The following HTRA3 variants were observed in gnomAD, a reference collection of about 807,000 sequenced individuals.
The protein encoded by HTRA3 is HtrA serine peptidase 3, also known as serine protease HTRA3.
In HTRA3, 41 loss-of-function variants were observed where a neutral mutation model predicts 43.2. That is an observed-to-expected ratio of 0.95 (90% CI 0.74 to 1.23). The LOEUF is 1.23. Ranked by LOEUF, HTRA3 falls within the 50% of genes most tolerant of loss-of-function variation. The pLI is 0.00. For missense variants in HTRA3, 628 were observed against 647.1 expected (o/e 0.97, Z 0.32); for synonymous variants, 295 against 287.9 (o/e 1.02, Z -0.25).
At chr4:8,299,888 G>A (rs1713579040) in intron 6 of HTRA3, among the ~76,000 whole-genome samples, 1 of 147,038 alleles carries the variant, frequency 6.8e-6, no homozygotes, top group Non-Finnish European at 1.5e-5. Flanking sequence ...CGCCCAGGCT[G>A]GAGTACGGTG....
chr4:8,272,575 G>C (rs893120126), intron 1 of HTRA3, among the ~76,000 whole-genome samples: 1 of 152,242 alleles, frequency 6.6e-6, no homozygotes, highest in African/African-American at 2.4e-5. Flanking sequence ...TGCCTGATGG[G>C]CAACCCCCAG....
chr4:8,277,083 C>T (rs1331072534), intron 1 of HTRA3, among the ~76,000 whole-genome samples: 2 of 152,218 alleles, frequency 1.3e-5, no homozygotes, highest in Non-Finnish European at 2.9e-5. Flanking sequence ...ATCCCGCCTG[C>T]GTTCCACATG....
chr4:8,292,443 A>C (rs73083639), intron 5 of HTRA3, 90 bp downstream of exon 5: 4 of 1,074,236 alleles, frequency 3.7e-6, no homozygotes, highest in African/African-American at 3.1e-5. Flanking sequence ...AGGGCCCACA[A>C]TATGGTCCTA....
Position 8,270,039 on chromosome 4 carries a change from C to A in HTRA3, c.71C>A (p.Pro24Gln). 1 of 1,411,674 alleles carries A rather than the reference C, an allele frequency of 7.1e-7. No individual in the cohort carries two copies. The highest frequency in any genetic ancestry group is 9.2e-7 in the Non-Finnish European group (1 of 1,088,076). The allele number at this position is 1,411,674 out of a possible 1,614,324, so 87.4% of individuals were successfully genotyped here. A position where few individuals can be genotyped will look rare whatever the true frequency, so the allele number is the denominator to read the frequency against. Reference protein sequence around the residue: ...LALAREPPAAPCPARCDVSRC... With the variant: ...LALAREPPAAQCPARCDVSRC... ...CTGGCCCGGGAGCCCCCTGCGGCGC[C>A]GTGTCCCGCGCGCTGCGACGTGTCG... Residue 24 changes from proline to glutamine, a missense_variant, in exon 1 of 9, where the codon CCG becomes CAG. Coordinates refer to ENST00000307358, the MANE Select transcript of HTRA3 (RefSeq NM_053044.5).
In HTRA3 at chr4:8,295,798, G is replaced by T; in HGVS notation, c.1051+1597G>T. 4 of 1,262,286 alleles carry T rather than the reference G, an allele frequency of 3.2e-6. No homozygotes were observed. The highest frequency in any genetic ancestry group is 4.0e-6 in the Non-Finnish European group (4 of 1,001,608). The allele number at this position is 1,262,286 out of a possible 1,614,324, so 78.2% of individuals were successfully genotyped here. ...ATGGACCCCAGTGCAGCCAAGGCTG[G>T]TGCCATGAGGGCTGGTCACATGAAG... On this transcript the variant is annotated intron_variant, in intron 6 of 8. Transcript: ENST00000307358. This position sits in a 1 kb window ranked among gnomAD's most constrained non-coding sequence, Gnocchi z 6.9.
intron 1 of HTRA3, among the ~76,000 whole-genome samples, chr4:8,274,199 C>G (rs536152081): frequency 2.6e-5 from 4 of 152,256 alleles, no homozygotes; most frequent in Non-Finnish European, 4.4e-5. Flanking sequence ...ATGGCCTCAC[C>G]GGTCTCTTTC....
Position 8,304,261 on chromosome 4 carries a change from C to T in HTRA3, c.1178C>T (p.Pro393Leu), listed in dbSNP as rs141039054. 2.4e-5 allele frequency: 38 copies of T among 1,614,070 alleles called. No homozygotes were observed. In the East Asian group the frequency reaches 3.8e-4, roughly 16 times the overall value. The change falls in exon 8 of 9, where the codon CCG (proline) becomes CTG (leucine). Residue 393 changes from proline to leucine, a missense_variant. Transcript: ENST00000307358. Reference sequence around the variant, plus strand: ...GGAATTTATGTGCAAGAGGTTGCGCCGAATTCACCTTCTCAGAGGTAGGCT... The same window carrying T: ...GGAATTTATGTGCAAGAGGTTGCGCTGAATTCACCTTCTCAGAGGTAGGCT... ...SSGIYVQEVAPNSPSQRGGIQ... is the reference protein window; with the variant it reads ...SSGIYVQEVALNSPSQRGGIQ...
chr4:8,304,663 T>G (rs1167501808), intron 8 of HTRA3, among the ~76,000 whole-genome samples: 15 of 137,468 alleles, frequency 1.1e-4, no homozygotes, highest in South Asian at 2.4e-4. Context: ...TTTTTTTTTT[T>G]TTTTTTTTTT....
At chr4:8,276,942 G>T (rs538214073) in intron 1 of HTRA3, among the ~76,000 whole-genome samples, 1 of 152,372 alleles carries the variant, frequency 6.6e-6, no homozygotes, top group South Asian at 2.1e-4. Flanking sequence ...CAGAATTGCT[G>T]CAAGAATTCA....
chr4:8,295,749 T>C lies in HTRA3; in HGVS notation c.1051+1548T>C. 7.6e-7 allele frequency: 1 copy of C among 1,318,640 alleles called. No homozygotes were observed. The highest frequency in any genetic ancestry group is 2.2e-5 in the South Asian group (1 of 46,486). The allele number at this position is 1,318,640 out of a possible 1,614,324, so 81.7% of individuals were successfully genotyped here. ...GGGGCTTCCTCACGTTTCCCCCTCC[T>C]CCATGACCCCGTCAGCCAAGCACAT... On this transcript the variant is annotated intron_variant, in intron 6 of 8. Coordinates refer to ENST00000307358, the MANE Select transcript of HTRA3 (RefSeq NM_053044.5). This position sits in a 1 kb window ranked among gnomAD's most constrained non-coding sequence, Gnocchi z 6.9.
intron 3 of HTRA3, 31 bp from the exon 4 acceptor site, chr4:8,291,339 C>T: frequency 1.9e-6 from 3 of 1,596,434 alleles, no homozygotes; most frequent in South Asian, 1.1e-5. Flanking sequence ...GCTAAGCCTC[C>T]CTCTCTGTGT....
chr4:8,288,561 C>A (rs534531728), intron 3 of HTRA3, among the ~76,000 whole-genome samples: 85 of 143,604 alleles, frequency 5.9e-4, no homozygotes, highest in Admixed American at 1.2e-3. Context: ...AGGCGTGAAC[C>A]ACCGTGCCTA....
intron 3 of HTRA3, among the ~76,000 whole-genome samples, chr4:8,289,622 T>C (rs560594039): frequency 6.6e-6 from 1 of 152,340 alleles, no homozygotes; most frequent in South Asian, 2.1e-4. Flanking sequence ...GTGTGATTCA[T>C]GTCCTGCAGG....
At chr4:8,275,848 G>A (rs530714678) in intron 1 of HTRA3, among the ~76,000 whole-genome samples, 8 of 152,244 alleles carry the variant, frequency 5.3e-5, no homozygotes, top group South Asian at 4.1e-4. Flanking sequence ...ACTCAGGTAG[G>A]GATGGATGGT....
intron 3 of HTRA3, among the ~76,000 whole-genome samples, chr4:8,290,274 C>T (rs1713182569): frequency 6.6e-6 from 1 of 152,252 alleles, no homozygotes. Flanking sequence ...TGACAGCTTT[C>T]TCCTCGTATT....
At position 8,276,238 on chromosome 4, in the gene HTRA3, A is replaced by T. The variant is rs1461218599; in HGVS notation, c.385+5885A>T. On this transcript the variant is annotated intron_variant, in intron 1 of 8. Transcript: ENST00000307358. The stretch of plus-strand genomic sequence containing the variant: ...GGTGGAGTCCCAGCTCTGCCCCAGA[A>T]GTCTCTGAAGCTCTTTGCACCTCAG... 2.0e-5 allele frequency among the ~76,000 whole-genome samples: 3 copies of T among 152,220 alleles called. No homozygotes were observed. The East Asian group carries it at 5.8e-4, about 29-fold the overall frequency.
rs566992446 is a variant in HTRA3, at chr4:8,301,199, ACT to A, written c.1052-1260_1052-1259del. Reference sequence around the variant, plus strand: ...TTCACACTCATCTTTATTGATTCACACTCTCAGCTTTATTATTGATTCACAGA... The same window carrying A: ...TTCACACTCATCTTTATTGATTCACACTCAGCTTTATTATTGATTCACAGA... On this transcript the variant is annotated intron_variant, in intron 6 of 8. Transcript: ENST00000307358. Among the ~76,000 whole-genome samples the A allele has an allele frequency of 2.4e-4, 36 of 150,390 alleles. No homozygotes were observed. In the East Asian group the frequency reaches 6.0e-3, roughly 25 times the overall value.
Position 8,269,771 on chromosome 4 carries a change from T to TGGTCCCTGC in HTRA3, c.-196_-188dup. ...CGCGGACCGTCAGGCTGGAGGGAGC[T>TGGTCCCTGC]GGTCCCTGCGCTCCCTGCGCCCTGG... On this transcript the variant is annotated 5_prime_UTR_variant, in exon 1 of 9. Transcript: ENST00000307358. 6.3e-6 allele frequency: 1 copy of TGGTCCCTGC among 158,440 alleles called. No homozygotes were observed. Among genetic ancestry groups the TGGTCCCTGC allele is most frequent in the East Asian group, 1.9e-4 (1 of 5,250 alleles). 9.8% of individuals were successfully genotyped at this position (158,440 alleles called of 1,614,324 possible).
rs1712653587 is a variant in HTRA3 at position 8,279,443 on chromosome 4, A to C, written c.386-2994A>C. ...ACTGGGGAGAAAGTCCTTCCGGTGG[A>C]GGCCGCAGTGCTGTGCAGATCTTCA... On this transcript the variant is annotated intron_variant, in intron 1 of 8. Transcript: ENST00000307358. This position sits in a 1 kb window ranked among gnomAD's most constrained non-coding sequence, Gnocchi z 7.4. 6.6e-6 allele frequency among the ~76,000 whole-genome samples: 1 copy of C among 152,076 alleles called. No individual in the cohort carries two copies. The highest frequency in any genetic ancestry group is 2.4e-5 in the African/African-American group (1 of 41,404).
Sources: allele counts gnomAD v4.1 joint callset (sites outside exome capture counted in the v4.1 genomes callset), GRCh38; gene constraint gnomAD v4.1.1; non-coding constraint Gnocchi (gnomAD v3.1); transcripts MANE v1.5; gene names NCBI Gene and HGNC (gene_info 2026-07-23, HGNC 2026-07-21).